Variants in MAPK8 observed in about 807,000 individuals in gnomAD.
MAPK8 encodes JUN N-terminal kinase.
MAPK8 carries 13 observed loss-of-function variants against 52.9 expected under a neutral mutation model. The ratio of observed to expected loss-of-function variants is 0.25; its 90% CI spans 0.16 to 0.39. The LOEUF is 0.39. MAPK8 is among the 10% of genes least tolerant of loss of function. The pLI is 1.00. For missense variants in MAPK8, 300 were observed against 519.2 expected (o/e 0.58, Z 4.10); for synonymous variants, 191 against 169.8 (o/e 1.12, Z -0.97).
At chr10:48,394,785 G>A (rs1337625425) in intron 1 of MAPK8, among the ~76,000 whole-genome samples, 1 of 151,680 alleles carries the variant, frequency 6.6e-6, no homozygotes, top group Non-Finnish European at 1.5e-5. Context: ...AAAATAAATT[G>A]CTTTTGTATA....
intron 1 of MAPK8, among the ~76,000 whole-genome samples, chr10:48,389,255 A>G (rs2041493146): frequency 1.3e-5 from 2 of 152,166 alleles, no homozygotes; most frequent in Admixed American, 6.6e-5. Flanking sequence ...ATTTAAGCTT[A>G]TTACTCTTTT....
chr10:48,320,210 C>A (rs1336738912), intron 1 of MAPK8, among the ~76,000 whole-genome samples: 1 of 30,380 alleles, frequency 3.3e-5, no homozygotes, highest in Non-Finnish European at 7.2e-5. Flanking sequence ...CACTGCTCGG[C>A]CTTTTTTTTT....
intron 10 of MAPK8, among the ~76,000 whole-genome samples, chr10:48,427,932 G>A (rs2043797860): frequency 6.6e-6 from 1 of 152,122 alleles, no homozygotes; most frequent in Non-Finnish European, 1.5e-5. Flanking sequence ...ATTGTGTCCA[G>A]TCTGTTGCTG....
intron 3 of MAPK8, among the ~76,000 whole-genome samples, chr10:48,408,540 A>T (rs1048546292): frequency 2.6e-5 from 4 of 152,238 alleles, no homozygotes; most frequent in African/African-American, 4.8e-5. Context: ...TTAGCAGGAG[A>T]TGAAGTGAGT....
chr10:48,372,758 G>A (rs183196081), intron 1 of MAPK8, among the ~76,000 whole-genome samples: 1 of 152,188 alleles, frequency 6.6e-6, no homozygotes, highest in East Asian at 1.9e-4. Context: ...ACGTTTGATT[G>A]GTGTACCTGA....
intron 1 of MAPK8, among the ~76,000 whole-genome samples, chr10:48,311,266 C>T (rs1825034819): frequency 6.6e-6 from 1 of 152,160 alleles, no homozygotes; most frequent in South Asian, 2.1e-4. Flanking sequence ...CAGTTTAATG[C>T]ACAGTGTCCA....
At chr10:48,348,362 CTTTTGCTTTGCAGAAGCTCTTTAGTTTA>C (rs1290930202) in intron 1 of MAPK8, among the ~76,000 whole-genome samples, 13 of 152,304 alleles carry the variant, frequency 8.5e-5, no homozygotes, top group Admixed American at 8.5e-4. Flanking sequence ...ATGATAGTTT[CTTTTGCTTTGCAGAAGCTCTTTAGTTTA>C]ATTAGATCCC....
chr10:48,366,274 A>G (rs1445153088), intron 1 of MAPK8, among the ~76,000 whole-genome samples: 1 of 152,140 alleles, frequency 6.6e-6, no homozygotes, highest in African/African-American at 2.4e-5. Flanking sequence ...AAAACCCCTA[A>G]GAACCTTTAA....
At chr10:48,355,204 A>G (rs1038945816) in intron 1 of MAPK8, among the ~76,000 whole-genome samples, 4 of 152,210 alleles carry the variant, frequency 2.6e-5, no homozygotes, top group African/African-American at 4.8e-5. Context: ...TAGTAGTTGA[A>G]ACTTTATTAA....
intron 5 of MAPK8, among the ~76,000 whole-genome samples, chr10:48,413,542 G>A (rs988505929): frequency 4.6e-5 from 7 of 151,796 alleles, no homozygotes; most frequent in African/African-American, 1.5e-4. Context: ...CTTGATTGCC[G>A]TAAACCTTTG....
chr10:48,352,540 T>C (rs1383955469), intron 1 of MAPK8, among the ~76,000 whole-genome samples: 1 of 152,182 alleles, frequency 6.6e-6, no homozygotes, highest in African/African-American at 2.4e-5. Flanking sequence ...ATATATCAAA[T>C]GCTATAGAAG....
intron 1 of MAPK8, among the ~76,000 whole-genome samples, chr10:48,335,434 C>A (rs1344954315): frequency 1.3e-5 from 2 of 152,058 alleles, no homozygotes; most frequent in African/African-American, 2.4e-5. Flanking sequence ...TATATAATAT[C>A]AAAAAATTAT....
At position 48,363,102 on chromosome 10, in the gene MAPK8, C is replaced by T. The variant is rs1055925041; in HGVS notation, c.-49-38510C>T. On this transcript the variant is annotated intron_variant, in intron 1 of 11. Coordinates refer to ENST00000374189, the MANE Select transcript of MAPK8 (RefSeq NM_001323329.2). Reference sequence around the variant, plus strand: ...CCCAGACTGGAGTGCAGTAGCTATTCACTGGCCTGAACATAATGCACTGCA... The same window carrying T: ...CCCAGACTGGAGTGCAGTAGCTATTTACTGGCCTGAACATAATGCACTGCA... Among the ~76,000 whole-genome samples the T allele has an allele frequency of 3.0e-4, 46 of 152,098 alleles. 1 individual carries two copies. The highest frequency in any genetic ancestry group is 4.4e-5 in the Non-Finnish European group (3 of 68,016).
chr10:48,326,036 A>C (rs1386790667), intron 1 of MAPK8: 1 of 152,080 alleles, frequency 6.6e-6, no homozygotes, highest in Non-Finnish European at 1.5e-5. Context: ...TGTTTGTCTG[A>C]TTTTTCCATT....
At chr10:48,339,606 A>C (rs559093108) in intron 1 of MAPK8, among the ~76,000 whole-genome samples, 2 of 152,346 alleles carry the variant, frequency 1.3e-5, no homozygotes, top group Non-Finnish European at 2.9e-5. Flanking sequence ...CTGCACAGCA[A>C]AAGAAACAAA....
At chr10:48,354,810 AAG>A (rs1168649205) in intron 1 of MAPK8, among the ~76,000 whole-genome samples, 1 of 152,082 alleles carries the variant, frequency 6.6e-6, no homozygotes, top group Non-Finnish European at 1.5e-5. Flanking sequence ...AAAACAGAAA[AAG>A]AATTCCCTAA....
At chr10:48,378,943 C>T (rs780275457) in intron 1 of MAPK8, among the ~76,000 whole-genome samples, 10 of 152,044 alleles carry the variant, frequency 6.6e-5, no homozygotes, top group Non-Finnish European at 1.0e-4. Context: ...CTCTTTTCTA[C>T]CGAAGAGAAA....
chr10:48,367,476 A>G (rs559985258), intron 1 of MAPK8, among the ~76,000 whole-genome samples: 83 of 152,004 alleles, frequency 5.5e-4, no homozygotes, highest in African/African-American at 1.2e-3. Flanking sequence ...AAAACTAAGC[A>G]TCAGTCTTTG....
intron 6 of MAPK8, among the ~76,000 whole-genome samples, chr10:48,422,094 G>C (rs2043402324): frequency 6.6e-6 from 1 of 151,464 alleles, no homozygotes; most frequent in Non-Finnish European, 1.5e-5. Context: ...GTACAGTCAT[G>C]CCATCTTGGC....
Sources: gnomAD v4.1 joint callset for allele counts (sites outside exome capture counted in the v4.1 genomes callset) on GRCh38, gnomAD v4.1.1 for gene constraint, MANE v1.5 for transcripts, NCBI Gene and HGNC (gene_info 2026-07-23, HGNC 2026-07-21) for gene names.